SEMA3A: variants seen among roughly 807,000 people sequenced by gnomAD.
SEMA3A encodes semaphorin-3A.
In SEMA3A, 29 loss-of-function variants were observed where a neutral mutation model predicts 97.9. The ratio of observed to expected loss-of-function variants is 0.30; its 90% CI spans 0.22 to 0.40. SEMA3A has a LOEUF of 0.40. SEMA3A is among the 10% of genes least tolerant of loss of function. The pLI, the probability that SEMA3A is intolerant of heterozygous loss-of-function variation, is 1.00. For synonymous variants in SEMA3A, 321 were observed against 323.7 expected (o/e 0.99, Z 0.09); for missense variants, 763 against 951.3 (o/e 0.80, Z 2.60).
chr7:84,400,007 A>G (rs1273212038), intron 1 of SEMA3A, among the ~76,000 whole-genome samples: 2 of 152,204 alleles, frequency 1.3e-5, no homozygotes, highest in Non-Finnish European at 2.9e-5. Flanking sequence ...AATCTCCCTC[A>G]TCTTCCTTAT....
chr7:84,211,635 T>A lies in SEMA3A; in HGVS notation c.-82-16967A>T, dbSNP rs1425832336. On this transcript the variant is annotated intron_variant, in intron 3 of 3. Transcript: ENST00000424555. ...GAAACTCCATCTAAAAAAAAAAAAA[T>A]TATCATAATTCCTGTTATTTGGCAC... 5.4e-5 allele frequency among the ~76,000 whole-genome samples: 8 copies of A among 149,510 alleles called. No homozygotes were observed. The Middle Eastern group carries it at 0.01, about 193-fold the overall frequency.
chr7:84,254,847 C>G (rs1799682526), intron 3 of SEMA3A, among the ~76,000 whole-genome samples: 1 of 151,986 alleles, frequency 6.6e-6, no homozygotes, highest in Admixed American at 6.6e-5. Flanking sequence ...ACTGCTTGAC[C>G]TATTTGATGG....
intron 1 of SEMA3A, among the ~76,000 whole-genome samples, chr7:84,419,184 A>G (rs916404703): frequency 6.6e-6 from 1 of 152,114 alleles, no homozygotes; most frequent in African/African-American, 2.4e-5. Flanking sequence ...TCTCTCGACT[A>G]TTTGAAGAGG....
chr7:83,971,576 A>C (rs763275674), intron 15 of SEMA3A, among the ~76,000 whole-genome samples: 1 of 152,152 alleles, frequency 6.6e-6, no homozygotes, highest in Non-Finnish European at 1.5e-5. Context: ...TCCAATGTCT[A>C]GTATGACATT....
At chr7:84,130,363 T>C (rs775203322) in intron 2 of SEMA3A, among the ~76,000 whole-genome samples, 8 of 152,106 alleles carry the variant, frequency 5.3e-5, no homozygotes, top group South Asian at 2.1e-4. Context: ...TTGGCACATA[T>C]TGAAGTAGTG....
At chr7:84,126,667 T>C (rs1795806950) in intron 3 of SEMA3A, among the ~76,000 whole-genome samples, 1 of 152,348 alleles carries the variant, frequency 6.6e-6, no homozygotes, top group South Asian at 2.1e-4. Context: ...TAATGTAATT[T>C]GTTAATGGTA....
At chr7:84,161,144 T>C (rs1004994542) in intron 1 of SEMA3A, among the ~76,000 whole-genome samples, 2 of 152,006 alleles carry the variant, frequency 1.3e-5, no homozygotes, top group African/African-American at 4.8e-5. Flanking sequence ...GGTGGGCTGA[T>C]CACGAGGTCA....
intron 15 of SEMA3A, 73 bp downstream of exon 15, chr7:83,977,059 C>T (rs2116304653): frequency 3.9e-6 from 3 of 764,892 alleles, no homozygotes; most frequent in South Asian, 2.4e-5. Context: ...ACATTGCATG[C>T]ATATGCATGA....
chr7:84,021,888 A>G (rs1183013663), intron 6 of SEMA3A, among the ~76,000 whole-genome samples: 1 of 152,202 alleles, frequency 6.6e-6, no homozygotes, highest in African/African-American at 2.4e-5. Flanking sequence ...TTAGGTTGTC[A>G]GTTAAAGAAA....
In SEMA3A at chr7:83,994,161, C is replaced by T. The variant is rs1790099116; in HGVS notation, c.1452+7794G>A. On this transcript the variant is annotated intron_variant, in intron 12 of 16. Transcript: ENST00000265362. ...GTAGTTCTCGAGCCTTGGTTTTCAG[C>T]TCCATCAGCTCCTTTAAGCACTTCT... Among the ~76,000 whole-genome samples the T allele has an allele frequency of 2.8e-5, 4 of 142,850 alleles. No individual in the cohort carries two copies. The Admixed American group carries it at 2.9e-4, about 10-fold the overall frequency. 93.7% of individuals were successfully genotyped at this position (142,850 alleles called of 152,430 possible).
intron 1 of SEMA3A, among the ~76,000 whole-genome samples, chr7:84,141,549 GGTTT>G (rs1183785400): frequency 6.6e-6 from 1 of 152,106 alleles, no homozygotes. Flanking sequence ...AGCATGTGCA[GGTTT>G]GTTACATAGG....
At chr7:84,256,144 A>G (rs1799715733) in intron 3 of SEMA3A, among the ~76,000 whole-genome samples, 1 of 152,092 alleles carries the variant, frequency 6.6e-6, no homozygotes, top group South Asian at 2.1e-4. Flanking sequence ...GAAGAATATG[A>G]ACATGACTAT....
chr7:84,215,038 A>AT (rs1798715710), intron 3 of SEMA3A, among the ~76,000 whole-genome samples: 1 of 149,466 alleles, frequency 6.7e-6, no homozygotes, highest in Admixed American at 6.6e-5. Context: ...CGCCAGGCTA[A>AT]TTTTTTGTAT....
chr7:84,445,516 A>AAAAAAAAAAAAAAAAAAAAG (rs1805391070), intron 1 of SEMA3A, among the ~76,000 whole-genome samples: 2 of 123,696 alleles, frequency 1.6e-5, no homozygotes, highest in African/African-American at 7.3e-5. Context: ...AAAAAAAAAA[A>AAAAAAAAAAAAAAAAAAAAG]AAAAGAAAAG....
intron 4 of SEMA3A, among the ~76,000 whole-genome samples, chr7:84,098,620 G>T (rs1234856870): frequency 6.6e-6 from 1 of 152,046 alleles, no homozygotes; most frequent in Non-Finnish European, 1.5e-5. Context: ...CACTATTTCA[G>T]CATGAAGAAT....
At chr7:84,296,743 G>C (rs1277417975) in intron 3 of SEMA3A, among the ~76,000 whole-genome samples, 1 of 151,934 alleles carries the variant, frequency 6.6e-6, no homozygotes, top group African/African-American at 2.4e-5. Context: ...CAATATCCAA[G>C]GGAAATTTCA....
intron 3 of SEMA3A, among the ~76,000 whole-genome samples, chr7:84,279,160 C>G (rs1424140360): frequency 6.6e-6 from 1 of 152,032 alleles, no homozygotes; most frequent in African/African-American, 2.4e-5. Context: ...CAAAGTATCT[C>G]TCTTCAAAGT....
chr7:84,444,332 CA>C (rs535172335), intron 1 of SEMA3A, among the ~76,000 whole-genome samples: 1 of 151,798 alleles, frequency 6.6e-6, no homozygotes, highest in Non-Finnish European at 1.5e-5. Flanking sequence ...TATCTAGGTG[CA>C]AAAAAATGTG....
intron 4 of SEMA3A, among the ~76,000 whole-genome samples, chr7:84,095,204 G>A (rs1329745353): frequency 2.2e-5 from 3 of 135,746 alleles, no homozygotes; most frequent in Non-Finnish European, 4.8e-5. Flanking sequence ...AGCATTATAT[G>A]TATAAAATGC....
Sources: allele counts gnomAD v4.1 joint callset (sites outside exome capture counted in the v4.1 genomes callset), GRCh38; gene constraint gnomAD v4.1.1; transcripts MANE v1.5; gene names NCBI Gene and HGNC (gene_info 2026-07-23, HGNC 2026-07-21).